GATAD1: variants seen among roughly 807,000 people sequenced by gnomAD.
GATAD1 encodes GATA zinc finger domain-containing protein 1.
A neutral mutation model predicts 26.5 loss-of-function variants in GATAD1; 12 were observed. The observed-to-expected ratio is 0.45, with a 90% confidence interval of 0.29 to 0.73. The LOEUF (loss-of-function observed/expected upper bound fraction) is 0.73. GATAD1 is among the 30% of genes least tolerant of loss of function. GATAD1 has a pLI of 0.10. For synonymous variants in GATAD1, 129 were observed against 133.1 expected, an observed-to-expected ratio of 0.97 and a Z score of 0.21; for missense variants, 266 against 342.1, an observed-to-expected ratio of 0.78 and a Z score of 1.75.
At chr7:92,469,119 A>T in the GATAD1 span, 2 of 702,170 alleles carry the variant, frequency 2.8e-6, no homozygotes, top group African/African-American at 1.7e-5. Context: ...TTCGATCTCG[A>T]ATTTCTTTAA....
the GATAD1 span, chr7:92,470,827 T>G: frequency 5.9e-6 from 1 of 168,746 alleles, no homozygotes; most frequent in African/African-American, 2.4e-5. Context: ...TCGTATGGGC[T>G]AAGTCCTGCT....
Position 92,456,434 on chromosome 7 carries a change from G to C in GATAD1, c.682G>C (p.Glu228Gln), listed in dbSNP as rs1057524763. Residue 228 changes from glutamate to glutamine, a missense_variant, in exon 5 of 5, where the codon GAG becomes CAG. Transcript: ENST00000287957. ...GGAATTTGTTTGTCATGCACCTTCTGAGTATTTCAAGTCACGGTCATCACC... is the reference window on the plus strand; with the variant it reads ...GGAATTTGTTTGTCATGCACCTTCTCAGTATTTCAAGTCACGGTCATCACC... ...YLEFVCHAPS[E>Q]YFKSRSSPFP... 7 of 1,613,074 alleles carry C rather than the reference G, an allele frequency of 4.3e-6. No individual in the cohort carries two copies. Among genetic ancestry groups the C allele is most frequent in the Non-Finnish European group, 4.2e-6 (5 of 1,179,048 alleles).
chr7:92,467,944 G>A, the GATAD1 span, among the ~76,000 whole-genome samples: 1 of 152,184 alleles, frequency 6.6e-6, no homozygotes, highest in Admixed American at 6.5e-5. Context: ...ACCATTAGTG[G>A]CCCATGCATT....
At position 92,456,520 on chromosome 7, in the gene GATAD1, T is replaced by TC; in HGVS notation, c.770dup (p.Ala258CysfsTer5). 1 of 1,612,564 alleles carries TC rather than the reference T, an allele frequency of 6.2e-7. No individual in the cohort carries two copies. The highest frequency in any genetic ancestry group is 8.5e-7 in the Non-Finnish European group (1 of 1,179,376). On this transcript the variant is annotated frameshift_variant, in exon 5 of 5. Coordinates refer to ENST00000287957, the MANE Select transcript of GATAD1 (RefSeq NM_021167.5). LOFTEE classifies it high-confidence loss of function. Reference sequence around the variant, plus strand: ...ACATATGGACTCATGTTGGGCCTACTCCTGCAATAACAATTAAGGAATCAG... The same window carrying TC: ...ACATATGGACTCATGTTGGGCCTACTCCCTGCAATAACAATTAAGGAATCAG...
chr7:92,476,760 T>C, the GATAD1 span, among the ~76,000 whole-genome samples: 1 of 151,408 alleles, frequency 6.6e-6, no homozygotes, highest in Admixed American at 6.6e-5. Context: ...TGGTGGGGAG[T>C]GGGTCCTACA....
chr7:92,465,641 A>G, the GATAD1 span, among the ~76,000 whole-genome samples: 7 of 151,978 alleles, frequency 4.6e-5, no homozygotes, highest in African/African-American at 7.2e-5. Context: ...AAAAAAAGCA[A>G]TCACTAACCT....
chr7:92,450,704 A>G lies in GATAD1; in HGVS notation c.379A>G (p.Ile127Val), dbSNP rs958141257. 1.2e-6 allele frequency: 2 copies of G among 1,605,562 alleles called. No individual in the cohort carries two copies. The highest frequency in any genetic ancestry group is 1.3e-5 in the African/African-American group (1 of 74,896). ...AATGTTTTTTGTATTTTCATAGCCC[A>G]TCAAAGCTCCTGAGTCAGTTTCCAC... ...RRHIFKLKNP[I>V]KAPESVSTII... Residue 127 changes from isoleucine to valine, a missense_variant, in exon 3 of 5, where the codon ATC (isoleucine) becomes GTC (valine). Transcript: ENST00000287957.
the GATAD1 span, chr7:92,468,452 G>A: frequency 4.7e-6 from 1 of 213,332 alleles, no homozygotes; most frequent in African/African-American, 2.3e-5. Context: ...GGACCCAAAG[G>A]GGGTTGCCGT....
the GATAD1 span, among the ~76,000 whole-genome samples, chr7:92,465,846 C>T: frequency 1.3e-5 from 2 of 151,946 alleles, no homozygotes; most frequent in African/African-American, 4.8e-5. Context: ...ACTAAAAATA[C>T]AAAAATTAGC....
Position 92,447,513 on chromosome 7 carries a change from C to A in GATAD1, c.-217C>A, listed in dbSNP as rs146395954. 1.7e-5 allele frequency: 7 copies of A among 423,952 alleles called. No individual in the cohort carries two copies. Among genetic ancestry groups the A allele is most frequent in the Non-Finnish European group, 2.7e-5 (7 of 257,004 alleles). The allele number at this position is 423,952 out of a possible 1,614,324, so 26.3% of individuals were successfully genotyped here. A position where few individuals can be genotyped will look rare whatever the true frequency, so the allele number is the denominator to read the frequency against. On this transcript the variant is annotated 5_prime_UTR_variant, in exon 1 of 5. Coordinates refer to ENST00000287957, the MANE Select transcript of GATAD1 (RefSeq NM_021167.5). ...CAGTCCTGCTTCCCAGTGCCTCGGG[C>A]CAGGGAATCCTGGCCTCCGCCTGCG...
chr7:92,472,663 C>T, the GATAD1 span: 1 of 152,184 alleles, frequency 6.6e-6, no homozygotes, highest in African/African-American at 2.4e-5. Flanking sequence ...CTGGCTATTT[C>T]GCCATACCTG....
At chr7:92,490,140 A>G in the GATAD1 span, 1 of 552,458 alleles carries the variant, frequency 1.8e-6, no homozygotes, top group Non-Finnish European at 3.2e-6. Flanking sequence ...GCCATAACAC[A>G]GGGTAGGTTT....
chr7:92,465,482 G>A, the GATAD1 span, among the ~76,000 whole-genome samples: 1 of 152,070 alleles, frequency 6.6e-6, no homozygotes, highest in African/African-American at 2.4e-5. Context: ...GCTGGCTGTG[G>A]TGGCCGCTGC....
At chr7:92,448,491 G>A (rs568185851) in intron 1 of GATAD1, among the ~76,000 whole-genome samples, 2 of 152,190 alleles carry the variant, frequency 1.3e-5, no homozygotes, top group South Asian at 2.1e-4. Flanking sequence ...CCCGCCTCCT[G>A]CCCTATTACA....
the GATAD1 span, chr7:92,475,362 G>A: frequency 6.6e-6 from 1 of 152,064 alleles, no homozygotes; most frequent in South Asian, 2.1e-4. Flanking sequence ...ATGAGCTTTA[G>A]TCCTGGAGTG....
chr7:92,492,085 T>C, the GATAD1 span, among the ~76,000 whole-genome samples: 1 of 152,190 alleles, frequency 6.6e-6, no homozygotes, highest in Non-Finnish European at 1.5e-5. Flanking sequence ...AAAATCATAA[T>C]ACTGTCTTTA....
chr7:92,474,919 T>C, the GATAD1 span: 1 of 152,160 alleles, frequency 6.6e-6, no homozygotes, highest in Non-Finnish European at 1.5e-5. Context: ...ACTCTTTGGT[T>C]CACTGTTTAC....
the GATAD1 span, among the ~76,000 whole-genome samples, chr7:92,488,999 G>C: frequency 6.6e-6 from 1 of 152,170 alleles, no homozygotes; most frequent in Admixed American, 6.5e-5. Context: ...CTCCCAAAGA[G>C]CTGGGATTAC....
chr7:92,478,973 A>G, the GATAD1 span, among the ~76,000 whole-genome samples: 51 of 152,148 alleles, frequency 3.4e-4, no homozygotes, highest in Non-Finnish European at 5.4e-4. Context: ...GGGTACATGA[A>G]TGATACACCT....
Sources: allele counts gnomAD v4.1 joint callset (sites outside exome capture counted in the v4.1 genomes callset), GRCh38; gene constraint gnomAD v4.1.1; transcripts MANE v1.5; gene names NCBI Gene and HGNC (gene_info 2026-07-23, HGNC 2026-07-21).